INSL6: variants seen among roughly 807,000 people sequenced by gnomAD.
INSL6 encodes insulin-like peptide INSL6.
In INSL6, 16 loss-of-function variants were observed where a neutral mutation model predicts 9.4. That is an observed-to-expected ratio of 1.70 (90% CI 1.15 to 2.59). The LOEUF is 2.59. Ranked by LOEUF, INSL6 falls within the 30% of genes most tolerant of loss-of-function variation. The pLI is 0.00. For missense variants in INSL6, 391 were observed against 257.3 expected (o/e 1.52, Z -3.56); for synonymous variants, 154 against 96.9 (o/e 1.59, Z -3.46).
Position 5,149,018 on chromosome 9 carries a change from C to A in INSL6, c.376+15161G>T, listed in dbSNP as rs150889377. Among the ~76,000 whole-genome samples the A allele has an allele frequency of 7.1e-3, 1,079 of 152,316 alleles. 10 individuals are homozygous for A. Among genetic ancestry groups the A allele is most frequent in the African/African-American group, 0.025 (1,034 of 41,578 alleles). ...AGTCTCTCAGAGGGAGACAGGCAGC[C>A]TTGAGGAGTAGGCACTTATGGCCAG... On this transcript the variant is annotated intron_variant, in intron 2 of 3. Coordinates refer to the INSL6 transcript ENST00000649639.
chr9:5,125,292 T>C (rs1057104844), intron 3 of INSL6, among the ~76,000 whole-genome samples: 86 of 151,272 alleles, frequency 5.7e-4, no homozygotes, highest in Non-Finnish European at 4.9e-4. Context: ...AAGGTCATAC[T>C]GTGCAGTTTG....
intron 2 of INSL6, among the ~76,000 whole-genome samples, chr9:5,153,561 T>G (rs1260048981): frequency 6.6e-6 from 1 of 152,204 alleles, no homozygotes; most frequent in Non-Finnish European, 1.5e-5. Flanking sequence ...ATGACATGAT[T>G]GTATATTTAG....
the INSL6 span, among the ~76,000 whole-genome samples, chr9:5,062,593 A>T: frequency 6.6e-6 from 1 of 151,720 alleles, no homozygotes; most frequent in South Asian, 2.1e-4. Flanking sequence ...CTGTATATCA[A>T]TAAGAGGGAT....
At position 5,128,080 on chromosome 9, in the gene INSL6, T is replaced by TTGTGTGTGTG. The variant is rs139964957; in HGVS notation, c.*11-3579_*11-3570dup. On this transcript the variant is annotated intron_variant, in intron 3 of 3. Transcript: ENST00000649639. ...TAGCTAAAATAAAATATGGTGGGTTTTGTGTGTGTGTGTGTGTGTGTGTGT... is the reference window on the plus strand; with the variant it reads ...TAGCTAAAATAAAATATGGTGGGTTTTGTGTGTGTGTGTGTGTGTGTGTGTGTGTGTGTGT... 3.4e-3 allele frequency: 764 copies of TTGTGTGTGTG among 224,736 alleles called. 11 individuals are homozygous for TTGTGTGTGTG. The highest frequency in any genetic ancestry group is 0.017 in the African/African-American group (728 of 43,232). The allele number at this position is 224,736 out of a possible 1,614,324, so 13.9% of individuals were successfully genotyped here. A position where few individuals can be genotyped will look rare whatever the true frequency, so the allele number is the denominator to read the frequency against.
chr9:5,070,016 G>C, the INSL6 span: 1 of 1,606,432 alleles, frequency 6.2e-7, no homozygotes, highest in African/African-American at 1.3e-5. Context: ...TGAACCAAAT[G>C]GTGTTTCACA....
intron 1 of INSL6, among the ~76,000 whole-genome samples, chr9:5,182,395 G>A (rs1332748598): frequency 6.6e-6 from 1 of 151,960 alleles, no homozygotes; most frequent in African/African-American, 2.4e-5. Context: ...CCAAGGAGAG[G>A]AGGAGAATGG....
At chr9:5,166,377 G>A (rs1056524279) in intron 1 of INSL6, among the ~76,000 whole-genome samples, 10 of 151,874 alleles carry the variant, frequency 6.6e-5, no homozygotes. Flanking sequence ...GCCTATTAGA[G>A]CACTCTTTAA....
intron 3 of INSL6, chr9:5,126,835 A>T: frequency 8.4e-7 from 1 of 1,189,358 alleles, no homozygotes; most frequent in Middle Eastern, 2.0e-4. Context: ...TTTACAGAAC[A>T]AAGTTTTATA....
the INSL6 span, among the ~76,000 whole-genome samples, chr9:5,061,694 T>C: frequency 1.3e-5 from 2 of 152,250 alleles, no homozygotes; most frequent in Non-Finnish European, 2.9e-5. Flanking sequence ...TCTTATAATT[T>C]ATGTGCTCAC....
At chr9:5,009,226 A>G in the INSL6 span, among the ~76,000 whole-genome samples, 1 of 152,200 alleles carries the variant, frequency 6.6e-6, no homozygotes, top group South Asian at 2.1e-4. Context: ...ACCTGTGGGA[A>G]AGGAGAGAAC....
At chr9:5,109,981 T>G in the INSL6 span, 3 of 152,212 alleles carry the variant, frequency 2.0e-5, no homozygotes, top group South Asian at 2.1e-4. Flanking sequence ...CAAGCAGTCC[T>G]GCACAATCGC....
At chr9:5,037,712 G>T in the INSL6 span, among the ~76,000 whole-genome samples, 4 of 152,168 alleles carry the variant, frequency 2.6e-5, no homozygotes, top group Admixed American at 2.6e-4. Context: ...GTTCTGGGGT[G>T]GGGGGATGGA....
At chr9:5,086,449 C>T in the INSL6 span, among the ~76,000 whole-genome samples, 1 of 152,224 alleles carries the variant, frequency 6.6e-6, no homozygotes, top group Non-Finnish European at 1.5e-5. Context: ...GCATCATTCT[C>T]AATCTTCTCT....
At chr9:5,097,401 A>C in the INSL6 span, 1 of 152,114 alleles carries the variant, frequency 6.6e-6, no homozygotes, top group African/African-American at 2.4e-5. Flanking sequence ...TTATTCTATC[A>C]GGCTTTGGGA....
chr9:5,050,889 G>T, the INSL6 span: 24 of 1,427,154 alleles, frequency 1.7e-5, no homozygotes, highest in Non-Finnish European at 2.2e-5. Context: ...TATATAATTC[G>T]TATATATTTT....
intron 2 of INSL6, among the ~76,000 whole-genome samples, chr9:5,144,745 A>G (rs1405690462): frequency 6.6e-6 from 1 of 152,160 alleles, no homozygotes; most frequent in Non-Finnish European, 1.5e-5. Context: ...GTCTTTTTAA[A>G]TCTTTGTTGG....
intron 3 of INSL6, chr9:5,127,877 G>A (rs149652844): frequency 1.0e-3 from 240 of 232,292 alleles, no homozygotes; most frequent in African/African-American, 5.1e-3. Context: ...TTTTTAGAGG[G>A]GAAATGAGGT....
At chr9:5,069,078 G>A in the INSL6 span, 6 of 1,610,268 alleles carry the variant, frequency 3.7e-6, no homozygotes, top group Admixed American at 1.7e-5. Context: ...AGAATGAAGA[G>A]TACAACCTCA....
Position 5,152,443 on chromosome 9 carries a change from C to G in INSL6, c.376+11736G>C, listed in dbSNP as rs527726824. ...GAAACATTAGCAATTTTAAAACAAA[C>G]CTATATAACCCATGGGTCAAGAAAA... On this transcript the variant is annotated intron_variant, in intron 2 of 3. Transcript: ENST00000649639. 1.4e-4 allele frequency among the ~76,000 whole-genome samples: 22 copies of G among 151,892 alleles called. 1 individual carries two copies. In the South Asian group the frequency reaches 4.0e-3, roughly 27 times the overall value.
Sources: gnomAD v4.1 joint callset for allele counts (sites outside exome capture counted in the v4.1 genomes callset) on GRCh38, gnomAD v4.1.1 for gene constraint, MANE v1.5 for transcripts, NCBI Gene and HGNC (gene_info 2026-07-23, HGNC 2026-07-21) for gene names.